Variants in CYP46A1 observed in about 807,000 individuals in gnomAD.
CYP46A1 encodes the protein cholesterol 24-hydroxylase.
CYP46A1 carries 20 observed loss-of-function variants against 63.3 expected under a neutral mutation model. That is an observed-to-expected ratio of 0.32 (90% CI 0.22 to 0.46). The LOEUF is 0.46. CYP46A1 is among the 20% of genes least tolerant of loss of function. The pLI, the probability that CYP46A1 is intolerant of heterozygous loss-of-function variation, is 1.00. For missense variants in CYP46A1, 445 were observed against 670.8 expected (o/e 0.66, Z 3.72); for synonymous variants, 268 against 273.6 (o/e 0.98, Z 0.20).
At chr14:99,685,908 C>G (rs541481137) in intron 1 of CYP46A1, among the ~76,000 whole-genome samples, 2 of 152,174 alleles carry the variant, frequency 1.3e-5, no homozygotes, top group Admixed American at 1.3e-4. Context: ...TCAATGCTAA[C>G]TCCTCAGGGA....
intron 1 of CYP46A1, among the ~76,000 whole-genome samples, chr14:99,687,176 A>G (rs1253772545): frequency 1.3e-5 from 2 of 152,124 alleles, no homozygotes; most frequent in Non-Finnish European, 2.9e-5. Context: ...GATCCGTGTA[A>G]CAGCTGAAAA....
chr14:99,698,077 T>C (rs1254518431), intron 3 of CYP46A1, among the ~76,000 whole-genome samples: 2 of 152,112 alleles, frequency 1.3e-5, no homozygotes, highest in Non-Finnish European at 2.9e-5. Context: ...CAGGCATTTC[T>C]GGGGCTTCTT....
rs759204007 is a variant in CYP46A1 at position 99,715,977 on chromosome 14, T to C, written c.844+17T>C. The stretch of plus-strand genomic sequence containing the variant: ...TTCTGAAAGGTGCAAGGGCCCCCTC[T>C]GCGGACTGGGGAGGGCGGGGTGGGC... On this transcript the variant is annotated intron_variant, in intron 8 of 14. Transcript: ENST00000261835. 8.8e-6 allele frequency: 6 copies of C among 678,314 alleles called. No homozygotes were observed. The highest frequency in any genetic ancestry group is 7.1e-5 in the South Asian group (5 of 70,918). The allele number at this position is 678,314 out of a possible 1,614,324, so 42.0% of individuals were successfully genotyped here.
intron 1 of CYP46A1, among the ~76,000 whole-genome samples, chr14:99,688,335 C>T (rs1383393661): frequency 2.0e-5 from 3 of 152,144 alleles, no homozygotes; most frequent in Non-Finnish European, 4.4e-5. Context: ...GGCGTTTATT[C>T]GCCTACTCTC....
chr14:99,727,090 G>C lies in CYP46A1; in HGVS notation c.*363G>C, dbSNP rs970568822. The C allele has an allele frequency of 6.9e-5, 17 of 247,050 alleles. No homozygotes were observed. The allele number at this position is 247,050 out of a possible 1,614,324, so 15.3% of individuals were successfully genotyped here. A position where few individuals can be genotyped will look rare whatever the true frequency, so the allele number is the denominator to read the frequency against. Reference sequence around the variant, plus strand: ...CCTCCTTGCCACCCCCCGCCGGCAGGGGCCCCTCCTCTGTGCTCCCTCGGT... The same window carrying C: ...CCTCCTTGCCACCCCCCGCCGGCAGCGGCCCCTCCTCTGTGCTCCCTCGGT... On this transcript the variant is annotated 3_prime_UTR_variant, in exon 15 of 15. Transcript: ENST00000261835.
rs2056856378 is a variant in CYP46A1 at position 99,722,484 on chromosome 14, T to G, written c.1176+418T>G. Among the ~76,000 whole-genome samples, 1 of 152,194 alleles carries G rather than the reference T, an allele frequency of 6.6e-6. No homozygotes were observed. Among genetic ancestry groups the G allele is most frequent in the Non-Finnish European group, 1.5e-5 (1 of 68,044 alleles). On this transcript the variant is annotated intron_variant, in intron 12 of 14. Transcript: ENST00000261835. The surrounding 1 kb of genome is among the most constrained non-coding windows in gnomAD (Gnocchi z 4.6). The stretch of plus-strand genomic sequence containing the variant: ...TTCTCCCCAGACCTCCTTTATTTTG[T>G]GTCTCTTTGTTTGCTTACTTGTTCA...
intron 11 of CYP46A1, among the ~76,000 whole-genome samples, 167 bp downstream of exon 11, chr14:99,721,490 C>T (rs756497674): frequency 6.6e-6 from 1 of 152,290 alleles, no homozygotes; most frequent in South Asian, 2.1e-4. Context: ...AGACTAATGA[C>T]ATCAGAGTCA....
At chr14:99,710,565 A>G (rs1470603326) in intron 7 of CYP46A1, 1 of 152,160 alleles carries the variant, frequency 6.6e-6, no homozygotes, top group Non-Finnish European at 1.5e-5. Context: ...TAAGTCAAAA[A>G]CTGTAAAAAG....
In CYP46A1 at chr14:99,725,490, C is replaced by T; in HGVS notation, c.1265+11C>T. The T allele has an allele frequency of 6.2e-7, 1 of 1,605,480 alleles. No homozygotes were observed. The highest frequency in any genetic ancestry group is 1.1e-5 in the South Asian group (1 of 90,910). On this transcript the variant is annotated intron_variant, in intron 13 of 14. Coordinates refer to ENST00000261835, the MANE Select transcript of CYP46A1 (RefSeq NM_006668.2). The surrounding 1 kb of genome is among the most constrained non-coding windows in gnomAD (Gnocchi z 4.2). ...CCCTGGAGCACCCAAGTAAGTCCCT[C>T]CTGGAGCTGCCCATGAGTGGGGCTG...
chr14:99,713,967 A>G (rs2400767), intron 7 of CYP46A1, among the ~76,000 whole-genome samples: 1,760 of 152,190 alleles, frequency 0.012, 23 homozygotes, highest in African/African-American at 0.041. Context: ...CAACAGAATA[A>G]AGAGACAACT....
chr14:99,691,490 G>A (rs1428679299), intron 2 of CYP46A1: 1 of 572,246 alleles, frequency 1.7e-6, no homozygotes, highest in Middle Eastern at 4.7e-4. Flanking sequence ...TTTCAAAGAT[G>A]CGAATCATTT....
intron 9 of CYP46A1, chr14:99,717,760 A>C: frequency 5.5e-6 from 2 of 361,480 alleles, no homozygotes; most frequent in Non-Finnish European, 1.0e-5. Flanking sequence ...CATCCTGGGA[A>C]GGCGAGGCCT....
At chr14:99,694,512 C>CT (rs1958205486) in intron 3 of CYP46A1, among the ~76,000 whole-genome samples, 1 of 81,746 alleles carries the variant, frequency 1.2e-5, no homozygotes, top group Non-Finnish European at 2.5e-5. Flanking sequence ...TTTTTTTTTT[C>CT]TTTTTGAGAT....
chr14:99,721,501 A>G (rs77793592), intron 11 of CYP46A1, among the ~76,000 whole-genome samples, 178 bp downstream of exon 11: 1 of 152,282 alleles, frequency 6.6e-6, no homozygotes, highest in East Asian at 1.9e-4. Context: ...ATCAGAGTCA[A>G]AGAGCTCCCC....
chr14:99,726,173 C>T lies in CYP46A1; in HGVS notation c.1266-17C>T, dbSNP rs2056895024. The T allele has an allele frequency of 4.3e-6, 7 of 1,612,752 alleles. No homozygotes were observed. In the Admixed American group the frequency reaches 8.3e-5, roughly 19 times the overall value. On this transcript the variant is annotated splice_polypyrimidine_tract_variant and intron_variant, in intron 13 of 14. Coordinates refer to ENST00000261835, the MANE Select transcript of CYP46A1 (RefSeq NM_006668.2). ...GCCTGGGGCTGCTGGCCTCGTGATT[C>T]CTCTCTTTCCCTGCAGGCCACGGTT...
At chr14:99,702,027 T>C (rs1003606430) in intron 5 of CYP46A1, among the ~76,000 whole-genome samples, 6 of 130,210 alleles carry the variant, frequency 4.6e-5, no homozygotes, top group Non-Finnish European at 7.7e-5. Flanking sequence ...CTGAGATCAC[T>C]CCACTGCACT....
At chr14:99,709,352 G>A (rs1251320581) in intron 7 of CYP46A1, 1 of 152,074 alleles carries the variant, frequency 6.6e-6, no homozygotes, top group Non-Finnish European at 1.5e-5. Flanking sequence ...ACAGATAGAT[G>A]TAAAAGAGAA....
chr14:99,691,997 A>T, intron 3 of CYP46A1, 136 bp downstream of exon 3: 1 of 845,042 alleles, frequency 1.2e-6, no homozygotes, highest in South Asian at 1.6e-5. Flanking sequence ...AGATCCAGAA[A>T]GGAATGGCAT....
chr14:99,727,036 C>T lies in CYP46A1; in HGVS notation c.*309C>T. The T allele has an allele frequency of 2.9e-6, 1 of 343,820 alleles. No individual in the cohort carries two copies. The highest frequency in any genetic ancestry group is 5.3e-6 in the Non-Finnish European group (1 of 190,112). The allele number at this position is 343,820 out of a possible 1,614,324, so 21.3% of individuals were successfully genotyped here. On this transcript the variant is annotated 3_prime_UTR_variant, in exon 15 of 15. Transcript: ENST00000261835. ...TAACTCTTGCTCACTCCCTAAAGCC[C>T]TCTTCAGGGGTCACCTCCTCCAAGA...
Sources: allele counts gnomAD v4.1 joint callset (sites outside exome capture counted in the v4.1 genomes callset), GRCh38; gene constraint gnomAD v4.1.1; non-coding constraint Gnocchi (gnomAD v3.1); transcripts MANE v1.5; gene names NCBI Gene and HGNC (gene_info 2026-07-23, HGNC 2026-07-21).